The following PLEK variants were observed in gnomAD, a reference collection of about 807,000 sequenced individuals.
PLEK encodes platelet 47 kDa protein.
PLEK carries 25 observed loss-of-function variants against 43.9 expected under a neutral mutation model. The observed-to-expected ratio is 0.57, with a 90% CI of 0.41 to 0.79. PLEK has a LOEUF of 0.79. Ranked by LOEUF, PLEK falls within the 30% of genes least tolerant of loss-of-function variation. PLEK has a pLI of 0.00. For missense variants in PLEK, 396 were observed against 413.3 expected, an observed-to-expected ratio of 0.96 and a Z score of 0.36; for synonymous variants, 152 against 144.4, an observed-to-expected ratio of 1.05 and a Z score of -0.38.
chr2:68,376,623 A>T (rs1329202930), intron 1 of PLEK, among the ~76,000 whole-genome samples: 1 of 152,034 alleles, frequency 6.6e-6, no homozygotes, highest in Non-Finnish European at 1.5e-5. Context: ...TTTAATTTTT[A>T]AAATTTAAAT....
At chr2:68,372,963 T>A (rs1333570539) in intron 1 of PLEK, among the ~76,000 whole-genome samples, 1 of 152,064 alleles carries the variant, frequency 6.6e-6, no homozygotes, top group Non-Finnish European at 1.5e-5. Flanking sequence ...ATTGTTCAGA[T>A]GTGGTAGGCC....
At chr2:68,385,907 C>T (rs932114773) in intron 4 of PLEK, among the ~76,000 whole-genome samples, 3 of 152,150 alleles carry the variant, frequency 2.0e-5, no homozygotes, top group African/African-American at 7.2e-5. Flanking sequence ...CTTTTACACT[C>T]CTTGAGGGAA....
intron 6 of PLEK, among the ~76,000 whole-genome samples, chr2:68,389,047 G>A (rs1008503912): frequency 3.3e-5 from 5 of 152,244 alleles, no homozygotes; most frequent in South Asian, 2.1e-4. Context: ...AGAGTCCTGG[G>A]GGGATGTCCA....
intron 1 of PLEK, among the ~76,000 whole-genome samples, chr2:68,379,664 A>C (rs1673573728): frequency 6.6e-6 from 1 of 152,060 alleles, no homozygotes; most frequent in South Asian, 2.1e-4. Context: ...ATGAAAAGGG[A>C]GGTGCAGGGG....
At chr2:68,371,617 G>A (rs906969003) in intron 1 of PLEK, among the ~76,000 whole-genome samples, 3 of 152,200 alleles carry the variant, frequency 2.0e-5, no homozygotes, top group African/African-American at 7.2e-5. Flanking sequence ...AGGAGAGAAT[G>A]AAGTTTAAAA....
Position 68,386,533 on chromosome 2 carries a change from C to G in PLEK, c.504C>G (p.Asn168Lys). ...GNCVIDWLVS[N>K]QSVRNRQEGL... ...GCGTCATTGATTGGCTGGTATCCAA[C>G]CAGTCTGTTAGGAATCGCCAGGAAG... is the stretch of plus-strand genomic sequence containing the variant. Residue 168 changes from asparagine (N) to lysine (K), a missense_variant, in exon 5 of 9, where the codon AAC (asparagine) becomes AAG (lysine). By Grantham distance (94) the Asn-to-Lys change is moderately conservative. Coordinates refer to ENST00000234313, the MANE Select transcript of PLEK (RefSeq NM_002664.3). The G allele has an allele frequency of 6.2e-7, 1 of 1,613,654 alleles. No individual in the cohort carries two copies. Among genetic ancestry groups the G allele is most frequent in the Non-Finnish European group, 8.5e-7 (1 of 1,179,710 alleles).
chr2:68,370,201 T>C (rs1302609781), intron 1 of PLEK, among the ~76,000 whole-genome samples: 2 of 152,260 alleles, frequency 1.3e-5, no homozygotes, highest in Non-Finnish European at 2.9e-5. Flanking sequence ...ATTCCAGCCA[T>C]ACATTGTATG....
intron 1 of PLEK, among the ~76,000 whole-genome samples, chr2:68,380,027 T>C (rs971336602): frequency 2.0e-5 from 3 of 152,016 alleles, no homozygotes; most frequent in African/African-American, 7.2e-5. Flanking sequence ...ATCAATGAGG[T>C]GGCTAAGCTG....
chr2:68,394,025 G>C, intron 7 of PLEK, 82 bp from the exon 8 acceptor site: 1 of 896,876 alleles, frequency 1.1e-6, no homozygotes, highest in Non-Finnish European at 1.9e-6. Flanking sequence ...ATTAGAGTGA[G>C]TCTGGCTTTT....
At position 68,380,818 on chromosome 2, in the gene PLEK, G is replaced by T; in HGVS notation, c.294G>T (p.Lys98Asn). The change falls in exon 3 of 9, where the codon AAG becomes AAT. Residue 98 changes from lysine (K) to asparagine (N), a missense_variant. Transcript: ENST00000234313. ...ATGCCTGGGTTCGGGATATCAAGAAGGCCATTAAATGCATTGAAGGAGGCC... is the reference window on the plus strand; with the variant it reads ...ATGCCTGGGTTCGGGATATCAAGAATGCCATTAAATGCATTGAAGGAGGCC... Reference protein sequence around the residue: ...ERDAWVRDIKKAIKCIEGGQK... With the variant: ...ERDAWVRDIKNAIKCIEGGQK... The T allele has an allele frequency of 1.2e-6, 2 of 1,614,010 alleles. No homozygotes were observed. Among genetic ancestry groups the T allele is most frequent in the South Asian group, 1.1e-5 (1 of 91,080 alleles).
chr2:68,379,147 T>C (rs1673561511), intron 1 of PLEK, among the ~76,000 whole-genome samples: 1 of 151,614 alleles, frequency 6.6e-6, no homozygotes, highest in Non-Finnish European at 1.5e-5. Flanking sequence ...AAAATAAAAA[T>C]AAAAATAAAA....
At position 68,395,876 on chromosome 2, in the gene PLEK, G is replaced by A; in HGVS notation, c.*60G>A. The A allele has an allele frequency of 6.8e-7, 1 of 1,463,204 alleles. No homozygotes were observed. The highest frequency in any genetic ancestry group is 1.9e-4 in the Middle Eastern group (1 of 5,402). The allele number at this position is 1,463,204 out of a possible 1,614,324, so 90.6% of individuals were successfully genotyped here. ...AAGCCCATGGACAAGCTCAGTCCAGGACCTGTCCACTTCTGTGACAAATCA... is the reference window on the plus strand; with the variant it reads ...AAGCCCATGGACAAGCTCAGTCCAGAACCTGTCCACTTCTGTGACAAATCA... On this transcript the variant is annotated 3_prime_UTR_variant, in exon 9 of 9. Coordinates refer to ENST00000234313, the MANE Select transcript of PLEK (RefSeq NM_002664.3).
intron 1 of PLEK, among the ~76,000 whole-genome samples, chr2:68,368,647 G>A (rs917826751): frequency 6.6e-6 from 1 of 152,200 alleles, no homozygotes; most frequent in Non-Finnish European, 1.5e-5. Flanking sequence ...CAATAAACAT[G>A]TTTGGAAGGT....
chr2:68,397,203 G>C lies in PLEK; in HGVS notation c.*1387G>C, dbSNP rs1442883863. On this transcript the variant is annotated 3_prime_UTR_variant, in exon 9 of 9. Transcript: ENST00000234313. The stretch of plus-strand genomic sequence containing the variant: ...AGGCTCCAGGAAAGAAAGGAGAGTA[G>C]AACATTTTTCCTCATTTTATCAAAT... 4 of 152,068 alleles carry C rather than the reference G, an allele frequency of 2.6e-5. No individual in the cohort carries two copies. Among genetic ancestry groups the C allele is most frequent in the Non-Finnish European group, 5.9e-5 (4 of 68,012 alleles). 9.4% of individuals were successfully genotyped at this position (152,068 alleles called of 1,614,324 possible). A position where few individuals can be genotyped will look rare whatever the true frequency, so the allele number is the denominator to read the frequency against.
chr2:68,379,996 C>T (rs73932649), intron 1 of PLEK, among the ~76,000 whole-genome samples: 25,031 of 151,816 alleles, frequency 0.16, 2,608 homozygotes, highest in African/African-American at 0.3. Context: ...CACGGTGGGT[C>T]TGTGCAGTTC....
intron 1 of PLEK, among the ~76,000 whole-genome samples, chr2:68,368,621 G>C (rs1673329211): frequency 6.6e-6 from 1 of 152,146 alleles, no homozygotes; most frequent in Non-Finnish European, 1.5e-5. Flanking sequence ...CTCTGTTTAG[G>C]GGGTTTCTTT....
At chr2:68,369,451 G>T (rs188235331) in intron 1 of PLEK, among the ~76,000 whole-genome samples, 1 of 150,758 alleles carries the variant, frequency 6.6e-6, no homozygotes, top group Non-Finnish European at 1.5e-5. Context: ...ATGCCAGAGC[G>T]ACTCCACAGT....
chr2:68,393,382 C>A, intron 7 of PLEK, 137 bp downstream of exon 7: 1 of 647,592 alleles, frequency 1.5e-6, no homozygotes. Flanking sequence ...CTCCCATTCT[C>A]CTCTACCTTT....
chr2:68,386,793 T>C, intron 5 of PLEK, 107 bp downstream of exon 5: 1 of 811,342 alleles, frequency 1.2e-6, no homozygotes, highest in Non-Finnish European at 2.0e-6. Context: ...AGGCAGCGGG[T>C]AGGGAGGTCA....
Sources: allele counts gnomAD v4.1 joint callset (sites outside exome capture counted in the v4.1 genomes callset), GRCh38; gene constraint gnomAD v4.1.1; transcripts MANE v1.5; gene names NCBI Gene and HGNC (gene_info 2026-07-23, HGNC 2026-07-21).